The following SV2A variants were observed in gnomAD, a reference collection of about 807,000 sequenced individuals.
The protein encoded by SV2A is solute carrier family 22 member B1.
A neutral mutation model predicts 78.0 loss-of-function variants in SV2A; 25 were observed. The observed-to-expected ratio is 0.32, with a 90% CI of 0.23 to 0.45. The LOEUF (loss-of-function observed/expected upper bound fraction) is 0.45, where lower values mean the gene tolerates loss of function less well. SV2A is among the 20% of genes least tolerant of loss of function. The pLI is 1.00. For missense variants in SV2A, 752 were observed against 971.5 expected, an observed-to-expected ratio of 0.77 and a Z score of 3.00; for synonymous variants, 355 against 384.7, an observed-to-expected ratio of 0.92 and a Z score of 0.90.
intron 1 of SV2A, among the ~76,000 whole-genome samples, chr1:149,916,833 C>T (rs587597778): frequency 6.6e-6 from 1 of 152,298 alleles, no homozygotes; most frequent in South Asian, 2.1e-4. Context: ...ACTGCGCCTC[C>T]CCTCCCCACA....
chr1:149,907,716 A>G lies in SV2A; in HGVS notation c.1662T>C (p.Thr554=). The G allele has an allele frequency of 6.2e-7, 1 of 1,614,084 alleles. No individual in the cohort carries two copies. The highest frequency in any genetic ancestry group is 8.5e-7 in the Non-Finnish European group (1 of 1,179,976). The change falls in exon 10 of 13, where the codon ACT becomes ACC. Residue 554 remains threonine, a synonymous_variant. Coordinates refer to ENST00000369146, the MANE Select transcript of SV2A (RefSeq NM_014849.5). ...TFFRNCTFIN[T]VFYNTDLFEY... is the part of the protein sequence containing the mutation. Reference sequence around the variant, plus strand: ...CCGCCTTACCAGTGTTATAGAACACAGTGTTGATGAATGTGCAGTTGCGGA... The same window carrying G: ...CCGCCTTACCAGTGTTATAGAACACGGTGTTGATGAATGTGCAGTTGCGGA...
At position 149,903,790 on chromosome 1, in the gene SV2A, G is replaced by C. The variant is rs587667492; in HGVS notation, c.*1224C>G. ...AAAGAAAGCAGCCACACAGAGTAGG[G>C]TGGGATGGGGCAGCCTAACCTACAG... On this transcript the variant is annotated 3_prime_UTR_variant, in exon 13 of 13. Transcript: ENST00000369146. 1 of 152,694 alleles carries C rather than the reference G, an allele frequency of 6.5e-6. No individual in the cohort carries two copies. The highest frequency in any genetic ancestry group is 1.5e-5 in the Non-Finnish European group (1 of 68,108). The allele number at this position is 152,694 out of a possible 1,614,324, so 9.5% of individuals were successfully genotyped here. A position where few individuals can be genotyped will look rare whatever the true frequency, so the allele number is the denominator to read the frequency against.
intron 6 of SV2A, 34 bp downstream of exon 6, chr1:149,909,767 C>T (rs782634096): frequency 2.4e-5 from 39 of 1,607,802 alleles, no homozygotes; most frequent in South Asian, 3.3e-5. Flanking sequence ...GGCTGCAGGG[C>T]GTGGAGGTCT....
chr1:149,917,064 A>T (rs2092518940), intron 1 of SV2A, among the ~76,000 whole-genome samples: 1 of 151,694 alleles, frequency 6.6e-6, no homozygotes, highest in Admixed American at 6.6e-5. Context: ...AGCCCCCAGA[A>T]CTGACTAAAT....
intron 12 of SV2A, chr1:149,905,458 T>A: frequency 4.2e-6 from 1 of 238,430 alleles, no homozygotes; most frequent in Non-Finnish European, 8.0e-6. Flanking sequence ...TTTTTTTCCT[T>A]TTTTTTTTTT....
At chr1:149,916,424 G>A (rs1240557492) in intron 1 of SV2A, among the ~76,000 whole-genome samples, 1 of 152,226 alleles carries the variant, frequency 6.6e-6, no homozygotes, top group Non-Finnish European at 1.5e-5. Flanking sequence ...GGCTAAGCCT[G>A]GGGGAGTGAG....
intron 1 of SV2A, among the ~76,000 whole-genome samples, chr1:149,917,519 T>C (rs2092523063): frequency 2.0e-5 from 3 of 152,090 alleles, no homozygotes; most frequent in Admixed American, 2.0e-4. Context: ...TTCACCAATA[T>C]TATACATATG....
intron 3 of SV2A, 75 bp downstream of exon 3, chr1:149,911,725 G>C: frequency 6.9e-7 from 1 of 1,457,120 alleles, no homozygotes; most frequent in South Asian, 1.3e-5. Context: ...GCCTGGCACT[G>C]TGCTGGGCCC....
At chr1:149,913,160 C>A in intron 2 of SV2A, 59 bp downstream of exon 2, 1 of 1,570,824 alleles carries the variant, frequency 6.4e-7, no homozygotes, top group Non-Finnish European at 8.6e-7. Flanking sequence ...GAGCAATTTC[C>A]AGGAGCAAGG....
At position 149,913,490 on chromosome 1, in the gene SV2A, C is replaced by G; in HGVS notation, c.351G>C (p.Ala117=). The G allele has an allele frequency of 6.2e-7, 1 of 1,606,282 alleles. No individual in the cohort carries two copies. The highest frequency in any genetic ancestry group is 1.1e-5 in the South Asian group (1 of 90,882). The stretch of plus-strand genomic sequence containing the variant: ...AGCCCCCCCTTACTCCAGCCAGGGG[C>G]GCCCCATCTGCCATCCGCTCGCCTT... The part of the protein sequence containing the change: ...GGKGERMADG[A]PLAGVRGGLS... Residue 117 remains alanine (A), a synonymous_variant, in exon 2 of 13, where the codon GCG becomes GCC. Coordinates refer to ENST00000369146, the MANE Select transcript of SV2A (RefSeq NM_014849.5).
At chr1:149,905,810 A>G in intron 12 of SV2A, 70 bp downstream of exon 12, 3 of 1,579,632 alleles carry the variant, frequency 1.9e-6, no homozygotes, top group Non-Finnish European at 2.6e-6. Context: ...TGCTCTTCCC[A>G]TTCAGCCCTC....
chr1:149,908,218 A>G lies in SV2A; in HGVS notation c.1380-12T>C, dbSNP rs2092451692. 1.2e-6 allele frequency: 2 copies of G among 1,606,872 alleles called. No individual in the cohort carries two copies. Among genetic ancestry groups the G allele is most frequent in the Non-Finnish European group, 1.7e-6 (2 of 1,174,414 alleles). On this transcript the variant is annotated splice_polypyrimidine_tract_variant and intron_variant, in intron 8 of 12. Transcript: ENST00000369146. The stretch of plus-strand genomic sequence containing the variant: ...TCAGGCCATAGTAGCTGAAGAGTCA[A>G]GGACAATGGAAACAGACAACAGGGC...
rs1553762966 is a variant in SV2A, at chr1:149,907,710, G to C, written c.1668C>G (p.Phe556Leu). The C allele has an allele frequency of 3.1e-6, 5 of 1,613,864 alleles. No homozygotes were observed. The Admixed American group carries it at 5.0e-5, about 16-fold the overall frequency. The change falls in exon 10 of 13, where the codon TTC (phenylalanine) becomes TTG (leucine). Residue 556 changes from phenylalanine (F) to leucine (L), a missense_variant. By Grantham distance (22) the Phe-to-Leu change is conservative. Transcript: ENST00000369146. ...GCCACCCCGCCTTACCAGTGTTATA[G>C]AACACAGTGTTGATGAATGTGCAGT... ...FRNCTFINTV[F>L]YNTDLFEYKF...
At position 149,910,041 on chromosome 1, in the gene SV2A, T is replaced by C. The variant is rs945572241; in HGVS notation, c.1090-151A>G. 23 of 692,208 alleles carry C rather than the reference T, an allele frequency of 3.3e-5. No homozygotes were observed. In the Middle Eastern group the frequency reaches 9.6e-4, roughly 29 times the overall value. The allele number at this position is 692,208 out of a possible 1,614,324, so 42.9% of individuals were successfully genotyped here. On this transcript the variant is annotated intron_variant, in intron 5 of 12. Transcript: ENST00000369146. This position sits in a 1 kb window ranked among gnomAD's most constrained non-coding sequence, Gnocchi z 4.2. ...ACCACCAAGCCCTGACCTATGGGCA[T>C]GCACTCACCACTCTGAAAGAGCCCC... is the stretch of plus-strand genomic sequence containing the variant.
rs74345115 is a variant in SV2A at position 149,911,691 on chromosome 1, A to G, written c.803+109T>C. 876 of 1,150,968 alleles carry G rather than the reference A, an allele frequency of 7.6e-4. 11 individuals carry two copies. In the African/African-American group the frequency reaches 0.013, roughly 17 times the overall value. 71.3% of individuals were successfully genotyped at this position (1,150,968 alleles called of 1,614,324 possible). On this transcript the variant is annotated intron_variant, in intron 3 of 12. Transcript: ENST00000369146. ...GAACTCATTCATCCGTTCAACTCAC[A>G]CAGATTTAAGGTGCATTTGGTGTGC... is the stretch of plus-strand genomic sequence containing the variant.
At position 149,909,189 on chromosome 1, in the gene SV2A, C is replaced by T; in HGVS notation, c.1379+3G>A. The T allele has an allele frequency of 6.2e-7, 1 of 1,613,924 alleles. No individual in the cohort carries two copies. The highest frequency in any genetic ancestry group is 8.5e-7 in the Non-Finnish European group (1 of 1,179,884). ...ACATCACCCAGCCCACCCATCTCCT[C>T]ACCTGAATGACATGGTGAACCACAC... On this transcript the variant is annotated splice_donor_region_variant and intron_variant, in intron 8 of 12. Transcript: ENST00000369146.
intron 10 of SV2A, among the ~76,000 whole-genome samples, chr1:149,907,353 C>T (rs1426310357): frequency 4.6e-5 from 7 of 152,030 alleles, no homozygotes; most frequent in East Asian, 1.9e-4. Context: ...TGCAATGATC[C>T]GCACCAAATA....
chr1:149,910,551 T>C lies in SV2A; in HGVS notation c.1089+19A>G. 1 of 1,175,272 alleles carries C rather than the reference T, an allele frequency of 8.5e-7. No homozygotes were observed. The allele number at this position is 1,175,272 out of a possible 1,614,324, so 72.8% of individuals were successfully genotyped here. ...ACAGCCCGCACCCCACCCCACCCCA[T>C]GCAGCTCAGCCCCATCACCTCTAGG... On this transcript the variant is annotated intron_variant, in intron 5 of 12. Coordinates refer to ENST00000369146, the MANE Select transcript of SV2A (RefSeq NM_014849.5). This position sits in a 1 kb window ranked among gnomAD's most constrained non-coding sequence, Gnocchi z 4.2.
chr1:149,911,864 A>G lies in SV2A; in HGVS notation c.739T>C (p.Phe247Leu), dbSNP rs1553763831. 6.2e-7 allele frequency: 1 copy of G among 1,614,180 alleles called. No homozygotes were observed. The highest frequency in any genetic ancestry group is 1.1e-5 in the South Asian group (1 of 91,086). Residue 247 changes from phenylalanine to leucine, a missense_variant, in exon 3 of 13, where the codon TTC (phenylalanine) becomes CTC (leucine). Physicochemically the swap from Phe to Leu is conservative, Grantham distance 22. Around this residue, in one of 7 missense-constraint regions of SV2A, gnomAD observed 291 missense variants for 359.5 expected, o/e 0.81. Coordinates refer to ENST00000369146, the MANE Select transcript of SV2A (RefSeq NM_014849.5). ...TAACCCTGGACAAAAGATGAGAAGA[A>G]GGCGAAGACGCTGTTGACTGAGAGC... ...ISLSVNSVFA[F>L]FSSFVQGYGT...
Sources: gnomAD v4.1 joint callset for allele counts (sites outside exome capture counted in the v4.1 genomes callset) on GRCh38, gnomAD v4.1.1 for gene constraint, gnomAD v4.1.1 regional missense constraint, Gnocchi (gnomAD v3.1) non-coding constraint, MANE v1.5 for transcripts, NCBI Gene and HGNC (gene_info 2026-07-23, HGNC 2026-07-21) for gene names.